The following DPYSL2 variants were observed in gnomAD, a reference collection of about 807,000 sequenced individuals.
DPYSL2 encodes dihydropyrimidinase like 2.
Under a neutral mutation model 69.9 loss-of-function variants are expected in DPYSL2, and 13 were observed. The observed-to-expected ratio is 0.19, with a 90% CI of 0.12 to 0.30. The LOEUF is 0.30. Ranked by LOEUF, DPYSL2 falls within the 10% of genes least tolerant of loss-of-function variation. The pLI is 1.00. For synonymous variants in DPYSL2, 326 were observed against 359.1 expected (o/e 0.91, Z 1.04); for missense variants, 587 against 918.9 (o/e 0.64, Z 4.67).
At chr8:26,636,577 G>A (rs545687731) in intron 8 of DPYSL2, among the ~76,000 whole-genome samples, 2 of 152,176 alleles carry the variant, frequency 1.3e-5, no homozygotes, top group Non-Finnish European at 2.9e-5. Flanking sequence ...TTTAGTTGGG[G>A]GAGGTGGAGT....
rs1302254532 is a variant in DPYSL2, at chr8:26,571,665, TC to T, written c.355-10302del. Reference sequence around the variant, plus strand: ...ATTTGGACAGATGAGCTTCTTGTCTTCCTGCAGGGAGGATGTGTCCTCAGAA... The same window carrying T: ...ATTTGGACAGATGAGCTTCTTGTCTTCTGCAGGGAGGATGTGTCCTCAGAA... On this transcript the variant is annotated intron_variant, in intron 1 of 13. Coordinates refer to ENST00000521913, the MANE Select transcript of DPYSL2 (RefSeq NM_001197293.3). This position sits in a 1 kb window ranked among gnomAD's most constrained non-coding sequence, Gnocchi z 6.1. 6.6e-6 allele frequency among the ~76,000 whole-genome samples: 1 copy of T among 152,198 alleles called. No individual in the cohort carries two copies. Among genetic ancestry groups the T allele is most frequent in the Non-Finnish European group, 1.5e-5 (1 of 68,036 alleles).
intron 1 of DPYSL2, chr8:26,577,485 A>C (rs1801378445): frequency 6.7e-6 from 1 of 148,728 alleles, no homozygotes; most frequent in Admixed American, 6.7e-5. Context: ...GGCTCGGCGC[A>C]GTCACCCCAC....
intron 8 of DPYSL2, among the ~76,000 whole-genome samples, chr8:26,635,485 C>T (rs1284565777): frequency 1.3e-5 from 2 of 152,206 alleles, no homozygotes; most frequent in Non-Finnish European, 2.9e-5. Flanking sequence ...CTAGAGGACG[C>T]CCCATGAGGC....
chr8:26,579,640 T>C (rs1226451916), intron 1 of DPYSL2, among the ~76,000 whole-genome samples: 3 of 152,144 alleles, frequency 2.0e-5, no homozygotes, highest in South Asian at 2.1e-4. Context: ...AGCAAATGCA[T>C]AGGGGAGGGG....
In DPYSL2 at chr8:26,654,311, C is replaced by CT. The variant is rs1472098598; in HGVS notation, c.1942+916dup. ...GGGTTCAGATTTTTAAGTTTCCTTG[C>CT]TTGAAACTTCTTTCCCATCTTTCAT... On this transcript the variant is annotated intron_variant, in intron 13 of 13. Transcript: ENST00000521913. This position sits in a 1 kb window ranked among gnomAD's most constrained non-coding sequence, Gnocchi z 5.0. Among the ~76,000 whole-genome samples, 1 of 152,146 alleles carries CT rather than the reference C, an allele frequency of 6.6e-6. No homozygotes were observed. The highest frequency in any genetic ancestry group is 1.5e-5 in the Non-Finnish European group (1 of 68,024).
At chr8:26,525,123 C>T (rs1291574850) in intron 1 of DPYSL2, among the ~76,000 whole-genome samples, 1 of 152,040 alleles carries the variant, frequency 6.6e-6, no homozygotes, top group South Asian at 2.1e-4. Context: ...TTTTTTCTGA[C>T]GTATTTTTTG....
chr8:26,514,248 T>A lies in DPYSL2; in HGVS notation c.-78T>A. ...CAGCCGCGGCAGCAGCTAGGGGGCT[T>A]GTGCACACAGCGAGGGAGACTTAGG... is the stretch of plus-strand genomic sequence containing the variant. On this transcript the variant is annotated 5_prime_UTR_variant, in exon 1 of 14. Transcript: ENST00000521913. The surrounding 1 kb of genome is among the most constrained non-coding windows in gnomAD (Gnocchi z 8.4). 2.4e-6 allele frequency: 3 copies of A among 1,270,144 alleles called. No homozygotes were observed. In the East Asian group the frequency reaches 8.9e-5, roughly 38 times the overall value. 78.7% of individuals were successfully genotyped at this position (1,270,144 alleles called of 1,614,324 possible). A position where few individuals can be genotyped will look rare whatever the true frequency, so the allele number is the denominator to read the frequency against.
chr8:26,563,742 T>C (rs1801108517), intron 1 of DPYSL2, among the ~76,000 whole-genome samples: 1 of 152,230 alleles, frequency 6.6e-6, no homozygotes, highest in Non-Finnish European at 1.5e-5. Flanking sequence ...ATTAAATGGC[T>C]ACCCCCTTGT....
chr8:26,634,590 GA>G (rs1802858314), intron 7 of DPYSL2, among the ~76,000 whole-genome samples, 189 bp from the exon 8 acceptor site: 1 of 152,066 alleles, frequency 6.6e-6, no homozygotes, highest in Admixed American at 6.5e-5. Context: ...CCACAGGAGG[GA>G]ATTAGTTCAA....
chr8:26,558,506 G>A (rs777946076), intron 1 of DPYSL2, among the ~76,000 whole-genome samples: 5 of 152,270 alleles, frequency 3.3e-5, no homozygotes, highest in Non-Finnish European at 7.3e-5. Context: ...AAGATACTGT[G>A]GTGGTGGATA....
At chr8:26,611,661 GA>G (rs1563409041) in intron 3 of DPYSL2, among the ~76,000 whole-genome samples, 1 of 152,208 alleles carries the variant, frequency 6.6e-6, no homozygotes, top group Non-Finnish European at 1.5e-5. Flanking sequence ...ATCTCTTGGA[GA>G]AATTCTGCAT....
chr8:26,541,712 T>A (rs371421552), intron 1 of DPYSL2, among the ~76,000 whole-genome samples: 3 of 152,194 alleles, frequency 2.0e-5, no homozygotes, highest in African/African-American at 7.2e-5. Flanking sequence ...TAGTGTTTTT[T>A]TATACATTTG....
intron 7 of DPYSL2, among the ~76,000 whole-genome samples, chr8:26,633,794 G>T (rs768972458): frequency 6.6e-6 from 1 of 152,212 alleles, no homozygotes; most frequent in African/African-American, 2.4e-5. Flanking sequence ...GATTTAAAGC[G>T]CCAGATTATT....
chr8:26,570,727 C>A, intron 1 of DPYSL2, among the ~76,000 whole-genome samples: 1 of 113,202 alleles, frequency 8.8e-6, no homozygotes, highest in African/African-American at 3.3e-5. Context: ...GAGTGAGACT[C>A]AGTCTTAGAA....
chr8:26,546,876 G>A (rs1899498), intron 1 of DPYSL2, among the ~76,000 whole-genome samples: 64,123 of 135,550 alleles, frequency 0.47, 15,284 homozygotes, highest in African/African-American at 0.63. Flanking sequence ...AGCCGAGATC[G>A]CGCCACTGCA....
chr8:26,536,164 TC>T (rs1483444962), intron 1 of DPYSL2, among the ~76,000 whole-genome samples: 1 of 150,668 alleles, frequency 6.6e-6, no homozygotes, highest in Non-Finnish European at 1.5e-5. Context: ...AGTCTTGAAC[TC>T]CTGGGCTCAA....
chr8:26,556,029 T>C (rs1421022084), intron 1 of DPYSL2, among the ~76,000 whole-genome samples: 1 of 102,930 alleles, frequency 9.7e-6, no homozygotes, highest in South Asian at 2.6e-4. Context: ...AATATATATA[T>C]AAGTATATAT....
rs370029882 is a variant in DPYSL2, at chr8:26,626,565, G to T, written c.794-52G>T. 1,060 of 1,531,114 alleles carry T rather than the reference G, an allele frequency of 6.9e-4. No individual in the cohort carries two copies. Among genetic ancestry groups the T allele is most frequent in the Non-Finnish European group, 8.6e-4 (950 of 1,106,508 alleles). The allele number at this position is 1,531,114 out of a possible 1,614,324, so 94.8% of individuals were successfully genotyped here. ...ATTATCACTTTCTTATCCCTTATTT[G>T]GTTATTTGGTTTATCTATTAAAAGT... On this transcript the variant is annotated intron_variant, in intron 4 of 13. Coordinates refer to ENST00000521913, the MANE Select transcript of DPYSL2 (RefSeq NM_001197293.3). This position sits in a 1 kb window ranked among gnomAD's most constrained non-coding sequence, Gnocchi z 4.3.
At chr8:26,520,544 G>A (rs1048224446) in intron 1 of DPYSL2, among the ~76,000 whole-genome samples, 46 of 149,872 alleles carry the variant, frequency 3.1e-4, no homozygotes, top group African/African-American at 3.4e-4. Context: ...TTATGAATGT[G>A]CCCTAAATTG....
Sources: gnomAD v4.1 joint callset for allele counts (sites outside exome capture counted in the v4.1 genomes callset) on GRCh38, gnomAD v4.1.1 for gene constraint, Gnocchi (gnomAD v3.1) non-coding constraint, MANE v1.5 for transcripts, NCBI Gene and HGNC (gene_info 2026-07-23, HGNC 2026-07-21) for gene names.